Variants in ROBO1 observed in about 807,000 individuals in gnomAD.
ROBO1 encodes roundabout homolog 1.
Under a neutral mutation model 195.9 loss-of-function variants are expected in ROBO1, and 149 were observed. That is an observed-to-expected ratio of 0.76 (90% CI 0.67 to 0.87). The LOEUF is 0.87. Ranked by LOEUF, ROBO1 falls within the 40% of genes least tolerant of loss-of-function variation. The pLI is 0.00. For synonymous variants in ROBO1, 816 were observed against 733.2 expected (o/e 1.11, Z -1.82); for missense variants, 1,933 against 2,068.3 (o/e 0.93, Z 1.27).
rs545471483 is a variant in ROBO1, at chr3:79,156,709, A to G, written c.89-31170T>C. Among the ~76,000 whole-genome samples the G allele has an allele frequency of 7.9e-5, 12 of 152,008 alleles. No homozygotes were observed. The East Asian group carries it at 2.3e-3, about 30-fold the overall frequency. ...AAACACGCACAAAAAATCTAAATAA[A>G]TATGCTACTAAAATTATAAGTTAAA... On this transcript the variant is annotated intron_variant, in intron 2 of 30. Transcript: ENST00000464233.
At chr3:79,562,515 T>C (rs1356830175) in intron 2 of ROBO1, among the ~76,000 whole-genome samples, 1 of 152,016 alleles carries the variant, frequency 6.6e-6, no homozygotes, top group Non-Finnish European at 1.5e-5. Context: ...CAAAAGATAG[T>C]ATGACTTTAT....
In ROBO1 at chr3:78,667,866, A is replaced by G. The variant is rs1342581683; in HGVS notation, c.1966+17T>C. 7 of 1,609,978 alleles carry G rather than the reference A, an allele frequency of 4.3e-6. No individual in the cohort carries two copies. Among genetic ancestry groups the G allele is most frequent in the Middle Eastern group, 1.7e-4 (1 of 6,036 alleles). ...AGGATAAGTAGGTGTCACAGGTTTA[A>G]GTAAATCAATATTTACCTTGTGTTT... On this transcript the variant is annotated intron_variant, in intron 14 of 30. Coordinates refer to ENST00000464233, the MANE Select transcript of ROBO1 (RefSeq NM_002941.4).
intron 1 of ROBO1, among the ~76,000 whole-genome samples, chr3:79,708,514 CAGTAAAA>C (rs1424814956): frequency 6.6e-6 from 1 of 152,068 alleles, no homozygotes; most frequent in African/African-American, 2.4e-5. Context: ...AAGAGAATAG[CAGTAAAA>C]TTTTGCCTCC....
intron 10 of ROBO1, among the ~76,000 whole-genome samples, chr3:78,684,683 C>T (rs1296233179): frequency 1.3e-5 from 2 of 152,024 alleles, no homozygotes; most frequent in East Asian, 3.9e-4. Flanking sequence ...ATGAAGACAA[C>T]TCGATGGATT....
intron 2 of ROBO1, among the ~76,000 whole-genome samples, chr3:79,481,356 T>TA (rs1349475562): frequency 6.6e-6 from 1 of 151,972 alleles, no homozygotes; most frequent in Non-Finnish European, 1.5e-5. Flanking sequence ...ACCAGCTAAT[T>TA]AAAAAAATAA....
intron 2 of ROBO1, among the ~76,000 whole-genome samples, chr3:79,416,188 A>G (rs1002472663): frequency 6.6e-6 from 1 of 152,138 alleles, no homozygotes; most frequent in Non-Finnish European, 1.5e-5. Flanking sequence ...AAAATGGTAA[A>G]TGCATTTACA....
chr3:79,223,244 T>A (rs992362197), intron 2 of ROBO1, among the ~76,000 whole-genome samples: 1 of 152,126 alleles, frequency 6.6e-6, no homozygotes, highest in South Asian at 2.1e-4. Context: ...GATCAGAGAA[T>A]GTTTACCTGA....
At chr3:79,409,614 C>A (rs2106843776) in intron 2 of ROBO1, among the ~76,000 whole-genome samples, 1 of 152,224 alleles carries the variant, frequency 6.6e-6, no homozygotes, top group South Asian at 2.1e-4. Flanking sequence ...CTCAGCTTTT[C>A]TCACTGAAAC....
At chr3:78,801,652 C>A (rs2084374940) in intron 4 of ROBO1, among the ~76,000 whole-genome samples, 1 of 152,072 alleles carries the variant, frequency 6.6e-6, no homozygotes, top group South Asian at 2.1e-4. Flanking sequence ...AAATATAAAA[C>A]TCATTCAGAG....
At position 79,589,887 on chromosome 3, in the gene ROBO1, A is replaced by T. The variant is rs755744800; in HGVS notation, c.25T>A (p.Leu9Met). 5 of 1,610,804 alleles carry T rather than the reference A, an allele frequency of 3.1e-6. No homozygotes were observed. The South Asian group carries it at 5.5e-5, about 18-fold the overall frequency. The stretch of plus-strand genomic sequence containing the variant: ...AAGCTGAGGAGTGATATCATGACCA[A>T]AAAAGGAACATGTTTCCATTTCATC... MKWKHVPF[L>M]VMISLLSLSP... The change falls in exon 2 of 31, where the codon TTG becomes ATG. Residue 9 changes from leucine to methionine, a missense_variant. Physicochemically the swap from Leu to Met is conservative, Grantham distance 15 (BLOSUM62 2). Coordinates refer to ENST00000464233, the MANE Select transcript of ROBO1 (RefSeq NM_002941.4).
chr3:79,650,780 C>CT (rs973413102), intron 1 of ROBO1, among the ~76,000 whole-genome samples: 2 of 151,722 alleles, frequency 1.3e-5, no homozygotes, highest in African/African-American at 4.8e-5. Context: ...ATATAGTGGC[C>CT]TTTTTGATAT....
At chr3:79,531,352 C>T (rs189288568) in intron 2 of ROBO1, among the ~76,000 whole-genome samples, 4 of 152,062 alleles carry the variant, frequency 2.6e-5, no homozygotes, top group African/African-American at 9.6e-5. Context: ...CCAGGCATGG[C>T]GGCTCAGGCC....
chr3:78,649,466 G>A (rs1322232748), intron 19 of ROBO1, among the ~76,000 whole-genome samples: 3 of 152,166 alleles, frequency 2.0e-5, no homozygotes, highest in South Asian at 2.1e-4. Flanking sequence ...ATGTCACACC[G>A]ATAGCTAAAT....
intron 2 of ROBO1, among the ~76,000 whole-genome samples, chr3:79,451,632 T>C (rs911057447): frequency 1.3e-5 from 2 of 152,132 alleles, no homozygotes; most frequent in Non-Finnish European, 2.9e-5. Context: ...GTGTTTAGTT[T>C]AGTGGATTGA....
intron 2 of ROBO1, among the ~76,000 whole-genome samples, chr3:79,498,579 C>T (rs1288369690): frequency 6.6e-6 from 1 of 152,184 alleles, no homozygotes; most frequent in Non-Finnish European, 1.5e-5. Context: ...TGTGGCCGGG[C>T]ACGGTGGCTC....
At chr3:79,332,701 G>A (rs563276135) in intron 2 of ROBO1, among the ~76,000 whole-genome samples, 8 of 152,254 alleles carry the variant, frequency 5.3e-5, no homozygotes, top group African/African-American at 1.9e-4. Flanking sequence ...TTTGGAAATG[G>A]CCATATTTAC....
chr3:79,536,828 C>T (rs1479081172), intron 2 of ROBO1, among the ~76,000 whole-genome samples: 1 of 152,128 alleles, frequency 6.6e-6, no homozygotes, highest in Non-Finnish European at 1.5e-5. Flanking sequence ...TTTGACTTTG[C>T]TCTTACCTCC....
intron 3 of ROBO1, among the ~76,000 whole-genome samples, chr3:79,081,890 T>C (rs2079281618): frequency 6.6e-6 from 1 of 152,172 alleles, no homozygotes; most frequent in South Asian, 2.1e-4. Flanking sequence ...ATGATATAAT[T>C]AACAATAGTG....
chr3:79,523,558 C>T (rs193151183), intron 2 of ROBO1, among the ~76,000 whole-genome samples: 18 of 150,220 alleles, frequency 1.2e-4, no homozygotes, highest in African/African-American at 3.4e-4. Context: ...CTGCAACCTC[C>T]GCCTCCTGGA....
Sources: allele counts gnomAD v4.1 joint callset (sites outside exome capture counted in the v4.1 genomes callset), GRCh38; gene constraint gnomAD v4.1.1; transcripts MANE v1.5; gene names NCBI Gene and HGNC (gene_info 2026-07-23, HGNC 2026-07-21).